Variants in MYLK observed in about 807,000 individuals in gnomAD.
MYLK encodes the protein myosin light chain kinase, smooth muscle.
MYLK carries 106 observed loss-of-function variants against 203.4 expected under a neutral mutation model. The ratio of observed to expected loss-of-function variants is 0.52; its 90% CI spans 0.45 to 0.61. MYLK has a LOEUF of 0.61. MYLK is among the 20% of genes least tolerant of loss of function. MYLK has a pLI of 0.00. For synonymous variants in MYLK, 867 were observed against 959.5 expected, an observed-to-expected ratio of 0.90 and a Z score of 1.78; for missense variants, 2,072 against 2,442.3, an observed-to-expected ratio of 0.85 and a Z score of 3.20.
At position 123,648,394 on chromosome 3, in the gene MYLK, A is replaced by C. The variant is rs540220094; in HGVS notation, c.4415+577T>G. On this transcript the variant is annotated intron_variant, in intron 26 of 33. Coordinates refer to ENST00000360304, the MANE Select transcript of MYLK (RefSeq NM_053025.4). This position sits in a 1 kb window ranked among gnomAD's most constrained non-coding sequence, Gnocchi z 4.5. ...CTTTACAGTGAGCACTGATCAGGCTACACTGACTTCTGTGGATCAAATGGA... is the reference window on the plus strand; with the variant it reads ...CTTTACAGTGAGCACTGATCAGGCTCCACTGACTTCTGTGGATCAAATGGA... 6.6e-6 allele frequency among the ~76,000 whole-genome samples: 1 copy of C among 152,264 alleles called. No homozygotes were observed. The highest frequency in any genetic ancestry group is 1.5e-5 in the Non-Finnish European group (1 of 68,042).
chr3:123,642,362 A>T lies in MYLK; in HGVS notation c.4620-1858T>A, dbSNP rs1361335493. On this transcript the variant is annotated intron_variant, in intron 27 of 33. Transcript: ENST00000360304. This position sits in a 1 kb window ranked among gnomAD's most constrained non-coding sequence, Gnocchi z 4.2. ...AACACACAGAAGGTGCTCAACACTT[A>T]TTACTTATCGTTTGATAAGCTGTGG... Among the ~76,000 whole-genome samples, 3 of 151,820 alleles carry T rather than the reference A, an allele frequency of 2.0e-5. No homozygotes were observed. The highest frequency in any genetic ancestry group is 7.3e-5 in the African/African-American group (3 of 41,068).
intron 3 of MYLK, among the ~76,000 whole-genome samples, chr3:123,827,020 T>C (rs1327829432): frequency 6.6e-6 from 1 of 151,998 alleles, no homozygotes; most frequent in East Asian, 1.9e-4. Flanking sequence ...AATCAGAAAA[T>C]ATGTTACCTC....
chr3:123,657,781 T>C (rs1560028688), intron 23 of MYLK, among the ~76,000 whole-genome samples: 1 of 152,208 alleles, frequency 6.6e-6, no homozygotes, highest in Non-Finnish European at 1.5e-5. Context: ...CTATTTCCTA[T>C]CGAAAACATG....
intron 2 of MYLK, among the ~76,000 whole-genome samples, chr3:123,863,167 A>G (rs1366367423): frequency 1.3e-5 from 2 of 152,208 alleles, no homozygotes; most frequent in East Asian, 3.9e-4. Context: ...AAATGGGGCT[A>G]GAACAACGGA....
chr3:123,771,360 T>A (rs538511921), intron 4 of MYLK, among the ~76,000 whole-genome samples: 13 of 152,284 alleles, frequency 8.5e-5, no homozygotes, highest in Non-Finnish European at 1.9e-4. Flanking sequence ...GTGGTTAGAG[T>A]CCCATTTCCA....
chr3:123,673,161 CTTTTT>C (rs761090869), intron 20 of MYLK, among the ~76,000 whole-genome samples: 2 of 136,960 alleles, frequency 1.5e-5, no homozygotes, highest in Admixed American at 7.1e-5. Context: ...TTTTTCTTTT[CTTTTT>C]TTTTTTTTTT....
intron 24 of MYLK, among the ~76,000 whole-genome samples, chr3:123,649,752 T>C (rs985017412): frequency 1.3e-5 from 2 of 152,186 alleles, no homozygotes; most frequent in Non-Finnish European, 2.9e-5. Context: ...ACATATATAC[T>C]TGAAGTAACA....
Position 123,649,385 on chromosome 3 carries a change from G to A in MYLK, c.4289-191C>T, listed in dbSNP as rs74932151. 7.7e-3 allele frequency among the ~76,000 whole-genome samples: 1,178 copies of A among 152,282 alleles called. 14 individuals carry two copies. Among genetic ancestry groups the A allele is most frequent in the African/African-American group, 0.023 (965 of 41,546 alleles). On this transcript the variant is annotated intron_variant, in intron 24 of 33. Coordinates refer to ENST00000360304, the MANE Select transcript of MYLK (RefSeq NM_053025.4). Reference sequence around the variant, plus strand: ...AAATAGGGCCCAGTGCAGACTGGCAGGTGCCAGCCTCCTCCCTCCACTCAG... The same window carrying A: ...AAATAGGGCCCAGTGCAGACTGGCAAGTGCCAGCCTCCTCCCTCCACTCAG...
chr3:123,639,162 T>C (rs1476006831), intron 28 of MYLK: 1 of 715,564 alleles, frequency 1.4e-6, no homozygotes, highest in Non-Finnish European at 1.7e-6. Flanking sequence ...AATTTATTGG[T>C]GGTCACTGTT....
chr3:123,785,157 T>A (rs192703590), intron 4 of MYLK, among the ~76,000 whole-genome samples: 22 of 152,370 alleles, frequency 1.4e-4, no homozygotes, highest in African/African-American at 5.3e-4. Context: ...TTCAATGCAA[T>A]GCCAAGAAAA....
intron 3 of MYLK, among the ~76,000 whole-genome samples, chr3:123,808,873 T>TA (rs768194384): frequency 2.0e-5 from 3 of 152,248 alleles, no homozygotes; most frequent in Non-Finnish European, 2.9e-5. Flanking sequence ...AGTTGAGTAA[T>TA]AGTAGCCAAA....
chr3:123,799,381 G>A (rs1039462085), intron 3 of MYLK, among the ~76,000 whole-genome samples: 7 of 152,230 alleles, frequency 4.6e-5, no homozygotes, highest in Non-Finnish European at 7.3e-5. Context: ...TAACTATAAG[G>A]CAAATGACTC....
intron 4 of MYLK, among the ~76,000 whole-genome samples, chr3:123,758,641 G>A (rs1049688208): frequency 6.6e-6 from 1 of 152,174 alleles, no homozygotes; most frequent in African/African-American, 2.4e-5. Context: ...CACAAGGCAA[G>A]TTATAGCTCC....
At chr3:123,874,754 T>C (rs1577164958) in intron 2 of MYLK, among the ~76,000 whole-genome samples, 1 of 152,096 alleles carries the variant, frequency 6.6e-6, no homozygotes, top group South Asian at 2.1e-4. Context: ...AAAAGATTAA[T>C]GTCCAGAATA....
At chr3:123,830,204 C>A (rs773592324) in intron 3 of MYLK, among the ~76,000 whole-genome samples, 7 of 152,300 alleles carry the variant, frequency 4.6e-5, no homozygotes, top group African/African-American at 1.7e-4. Flanking sequence ...GTGTGAAAAG[C>A]CTTAAGGCTT....
chr3:123,803,073 G>A (rs1302532554), intron 3 of MYLK, among the ~76,000 whole-genome samples: 2 of 152,126 alleles, frequency 1.3e-5, no homozygotes, highest in East Asian at 1.9e-4. Flanking sequence ...CCAGGAAATC[G>A]ACTCAGGGAA....
Position 123,791,546 on chromosome 3 carries a change from T to G in MYLK, c.165+2131A>C, listed in dbSNP as rs192551781. ...CATTTGTCTCTGCAAGACAGCTGGA[T>G]GCTTTCGACGTCTCTCTGGAATAGT... On this transcript the variant is annotated intron_variant, in intron 4 of 33. Transcript: ENST00000360304. Among the ~76,000 whole-genome samples, 43 of 152,374 alleles carry G rather than the reference T, an allele frequency of 2.8e-4. 1 individual carries two copies. The East Asian group carries it at 7.1e-3, about 25-fold the overall frequency.
chr3:123,802,278 C>T (rs1466641179), intron 3 of MYLK, among the ~76,000 whole-genome samples: 1 of 152,246 alleles, frequency 6.6e-6, no homozygotes, highest in Non-Finnish European at 1.5e-5. Context: ...TGACTTGGAT[C>T]CAGGTCCCTG....
At chr3:123,663,451 G>T (rs1045846886) in intron 23 of MYLK, among the ~76,000 whole-genome samples, 9 of 152,126 alleles carry the variant, frequency 5.9e-5, no homozygotes, top group Admixed American at 1.3e-4. Flanking sequence ...TGAAGAAGCG[G>T]AAGTGCAGTA....
Sources: gnomAD v4.1 joint callset for allele counts (sites outside exome capture counted in the v4.1 genomes callset) on GRCh38, gnomAD v4.1.1 for gene constraint, Gnocchi (gnomAD v3.1) non-coding constraint, MANE v1.5 for transcripts, NCBI Gene and HGNC (gene_info 2026-07-23, HGNC 2026-07-21) for gene names.